Variants in DTNA observed in about 807,000 individuals in gnomAD.
DTNA encodes dystrobrevin alpha.
Under a neutral mutation model 100.7 loss-of-function variants are expected in DTNA, and 43 were observed. The ratio of observed to expected loss-of-function variants is 0.43; its 90% confidence interval spans 0.33 to 0.55. The LOEUF is 0.55. Ranked by LOEUF, DTNA falls within the 20% of genes least tolerant of loss-of-function variation. The pLI is 0.04. For synonymous variants in DTNA, 349 were observed against 347.9 expected, an observed-to-expected ratio of 1.00 and a Z score of -0.04; for missense variants, 798 against 953.9, an observed-to-expected ratio of 0.84 and a Z score of 2.15.
At chr18:34,863,751 A>G (rs567154579) in intron 16 of DTNA, among the ~76,000 whole-genome samples, 4 of 152,224 alleles carry the variant, frequency 2.6e-5, no homozygotes, top group East Asian at 1.9e-4. Context: ...CAAAAGATCT[A>G]AAAGGACTTT....
chr18:34,494,526 A>G (rs544706722), intron 1 of DTNA, among the ~76,000 whole-genome samples: 39 of 152,276 alleles, frequency 2.6e-4, no homozygotes, highest in African/African-American at 8.7e-4. Flanking sequence ...ACCAAAGCCA[A>G]AGAGAGAAGA....
At chr18:34,496,122 T>A (rs1388061213) in intron 1 of DTNA, among the ~76,000 whole-genome samples, 1 of 151,700 alleles carries the variant, frequency 6.6e-6, no homozygotes, top group Non-Finnish European at 1.5e-5. Flanking sequence ...GAGAGTGGAA[T>A]CCAACTAAAC....
Position 34,532,770 on chromosome 18 carries a change from A to ATGTGTG in DTNA, c.-2+39264_-2+39269dup, listed in dbSNP as rs58811674. Among the ~76,000 whole-genome samples, 253 of 149,936 alleles carry ATGTGTG rather than the reference A, an allele frequency of 1.7e-3. 1 individual carries two copies. The highest frequency in any genetic ancestry group is 4.6e-3 in the Admixed American group (69 of 15,016). On this transcript the variant is annotated intron_variant, in intron 1 of 19. Transcript: ENST00000283365. Reference sequence around the variant, plus strand: ...ATATTTAAAACATATATATATATATATGTGTGTGTGTGTATGCATAGAACG... The same window carrying ATGTGTG: ...ATATTTAAAACATATATATATATATATGTGTGTGTGTGTGTGTGTATGCATAGAACG...
intron 1 of DTNA, among the ~76,000 whole-genome samples, chr18:34,704,792 A>G (rs767448718): frequency 2.6e-5 from 4 of 152,228 alleles, no homozygotes; most frequent in Non-Finnish European, 4.4e-5. Context: ...CTTTGTATCC[A>G]GACTAAGAAA....
intron 3 of DTNA, among the ~76,000 whole-genome samples, chr18:34,785,727 T>G (rs2094485402): frequency 6.6e-6 from 1 of 152,204 alleles, no homozygotes. Flanking sequence ...TTTTGAAATC[T>G]AAAAGGAGAG....
intron 1 of DTNA, among the ~76,000 whole-genome samples, chr18:34,713,753 TC>T (rs1283325493): frequency 1.3e-5 from 2 of 152,152 alleles, no homozygotes; most frequent in Non-Finnish European, 2.9e-5. Context: ...TATTGATTCT[TC>T]CTACCCATGA....
chr18:34,686,417 T>A lies in DTNA; in HGVS notation c.-1-69559T>A, dbSNP rs564757475. On this transcript the variant is annotated intron_variant, in intron 1 of 19. Coordinates refer to the DTNA transcript ENST00000283365. The stretch of plus-strand genomic sequence containing the variant: ...ATAATCATGTGGTTTTTGTCATTGG[T>A]TCTGTTTATGTGATGGACTACGTTT... Among the ~76,000 whole-genome samples the A allele has an allele frequency of 2.6e-5, 4 of 152,282 alleles. No individual in the cohort carries two copies. In the South Asian group the frequency reaches 8.3e-4, roughly 32 times the overall value.
At chr18:34,796,170 A>G (rs1474380387) in intron 4 of DTNA, among the ~76,000 whole-genome samples, 2 of 152,318 alleles carry the variant, frequency 1.3e-5, no homozygotes, top group East Asian at 3.9e-4. Context: ...TAGAGATCCT[A>G]CTCTGCAGAC....
intron 1 of DTNA, chr18:34,558,078 G>A (rs992969281): frequency 1.2e-4 from 18 of 153,844 alleles, no homozygotes; most frequent in East Asian, 3.8e-4. Context: ...ATGGTGTGCC[G>A]TTTTTAAAGC....
chr18:34,825,111 G>GCTACCCATCTACACCTC (rs2095829968), intron 9 of DTNA, among the ~76,000 whole-genome samples: 1 of 151,364 alleles, frequency 6.6e-6, no homozygotes, highest in Non-Finnish European at 1.5e-5. Flanking sequence ...TACCCACCTT[G>GCTACCCATCTACACCTC]TAGAGAGGTG....
chr18:34,705,470 A>G (rs2081998149), upstream of DTNA, among the ~76,000 whole-genome samples: 1 of 152,210 alleles, frequency 6.6e-6, no homozygotes, highest in Admixed American at 6.5e-5. Context: ...TGGTAAAATT[A>G]CAAAAAGCAA....
intron 3 of DTNA, among the ~76,000 whole-genome samples, chr18:34,769,225 C>A (rs1016096192): frequency 3.0e-4 from 45 of 152,254 alleles, no homozygotes; most frequent in African/African-American, 9.6e-4. Context: ...ACAATAAATG[C>A]AACAGTTGTG....
intron 1 of DTNA, among the ~76,000 whole-genome samples, chr18:34,713,431 A>G (rs2083297525): frequency 6.6e-6 from 1 of 152,190 alleles, no homozygotes; most frequent in Non-Finnish European, 1.5e-5. Context: ...GTCATCAAAA[A>G]TGATTAAACT....
intron 7 of DTNA, 120 bp downstream of exon 7, chr18:34,816,134 T>TACCCTAAACAAAACTAAGA: frequency 9.9e-7 from 1 of 1,009,232 alleles, no homozygotes; most frequent in Non-Finnish European, 1.5e-6. Context: ...CTCTTAGTTT[T>TACCCTAAACAAAACTAAGA]GTTTAGGGTA....
intron 1 of DTNA, among the ~76,000 whole-genome samples, chr18:34,600,831 C>G (rs756934001): frequency 5.3e-5 from 8 of 152,200 alleles, no homozygotes; most frequent in Non-Finnish European, 7.3e-5. Context: ...CATATAGAAA[C>G]CAGGTTTCCT....
chr18:34,865,347 A>G (rs748898228), intron 17 of DTNA, among the ~76,000 whole-genome samples: 1 of 123,256 alleles, frequency 8.1e-6, no homozygotes, highest in African/African-American at 3.2e-5. Context: ...TTCTTTCTTG[A>G]TTGCCCCCTC....
At chr18:34,740,650 T>A (rs1285029159) in intron 1 of DTNA, among the ~76,000 whole-genome samples, 1 of 151,842 alleles carries the variant, frequency 6.6e-6, no homozygotes, top group Non-Finnish European at 1.5e-5. Flanking sequence ...AAAATAAAAA[T>A]TAGGGCATGA....
At chr18:34,708,386 A>G (rs530364440), upstream of DTNA, among the ~76,000 whole-genome samples, 15 of 152,364 alleles carry the variant, frequency 9.8e-5, no homozygotes, top group Non-Finnish European at 4.4e-5. Flanking sequence ...AATTTGAGAA[A>G]GTATCATTAA....
chr18:34,885,580 T>C (rs2150462282), intron 22 of DTNA, among the ~76,000 whole-genome samples: 1 of 152,322 alleles, frequency 6.6e-6, no homozygotes, highest in Admixed American at 6.5e-5. Flanking sequence ...CCGTATTACC[T>C]CAGTTTCCTC....
Sources: gnomAD v4.1 joint callset for allele counts (sites outside exome capture counted in the v4.1 genomes callset) on GRCh38, gnomAD v4.1.1 for gene constraint, MANE v1.5 for transcripts, NCBI Gene and HGNC (gene_info 2026-07-23, HGNC 2026-07-21) for gene names.